HNRNPH1: variants seen among roughly 807,000 people sequenced by gnomAD.
HNRNPH1 encodes the protein heterogeneous nuclear ribonucleoprotein H.
Under a neutral mutation model 58.6 loss-of-function variants are expected in HNRNPH1, and 4 were observed. That is an observed-to-expected ratio of 0.07 (90% confidence interval 0.03 to 0.16). The LOEUF (loss-of-function observed/expected upper bound fraction) is 0.16, where lower values mean the gene tolerates loss of function less well. Among genes scored for constraint, HNRNPH1 ranks in the 10% least tolerant of loss-of-function variants. The pLI is 1.00. For missense variants in HNRNPH1, 271 were observed against 564.2 expected (o/e 0.48, Z 5.26); for synonymous variants, 192 against 189.2 (o/e 1.01, Z -0.12).
At chr5:179,626,890 C>T (rs1774450755), upstream of HNRNPH1, among the ~76,000 whole-genome samples, 1 of 151,414 alleles carries the variant, frequency 6.6e-6, no homozygotes, top group Admixed American at 6.6e-5. Context: ...ATTCTCCTGC[C>T]TCAGCCTCCC....
At chr5:179,632,344 G>A (rs866289354) in intron 2 of HNRNPH1, among the ~76,000 whole-genome samples, 23 of 152,206 alleles carry the variant, frequency 1.5e-4, no homozygotes, top group Middle Eastern at 6.8e-3. Flanking sequence ...GGGCGTCTCG[G>A]TTAGAGCCCG....
At chr5:179,618,255 A>G (rs1393793031) in exon 5 of HNRNPH1, 6 of 1,614,202 alleles carry the variant, frequency 3.7e-6, no homozygotes, top group African/African-American at 1.3e-5. Flanking sequence ...CTGCATGGCC[A>G]TAAGCTTTCG....
upstream of HNRNPH1, among the ~76,000 whole-genome samples, chr5:179,625,147 C>G (rs1774250604): frequency 3.3e-5 from 5 of 152,126 alleles, no homozygotes; most frequent in Admixed American, 3.3e-4. Flanking sequence ...ACAAACTGAA[C>G]TAGAAGCACA....
upstream of HNRNPH1, among the ~76,000 whole-genome samples, chr5:179,626,773 C>A: frequency 6.8e-6 from 1 of 146,276 alleles, no homozygotes; most frequent in Non-Finnish European, 1.5e-5. Flanking sequence ...TCTTGGTATA[C>A]TTCTTTTTTT....
chr5:179,623,659 C>G (rs530410026), exon 1 of HNRNPH1: 2 of 152,986 alleles, frequency 1.3e-5, no homozygotes, highest in Non-Finnish European at 2.9e-5. Flanking sequence ...TTCTGCGTGG[C>G]TAAGACGAAA....
intron 11 of HNRNPH1, 90 bp from the exon 13 acceptor site, chr5:179,615,685 G>A (rs952612502): frequency 6.0e-6 from 4 of 668,426 alleles, no homozygotes; most frequent in South Asian, 5.7e-5. Flanking sequence ...CCAATCCTAG[G>A]TTAACTGACT....
chr5:179,630,365 TAAAAG>T (rs755034190), intron 2 of HNRNPH1, among the ~76,000 whole-genome samples: 4 of 150,460 alleles, frequency 2.7e-5, no homozygotes, highest in Admixed American at 6.6e-5. Context: ...AATAAATAAA[TAAAAG>T]AAAAAGAAAA....
intron 3 of HNRNPH1, among the ~76,000 whole-genome samples, chr5:179,620,245 ATATCT>A (rs1306419596): frequency 2.6e-5 from 4 of 152,356 alleles, no homozygotes; most frequent in East Asian, 1.9e-4. Context: ...AAAATATACG[ATATCT>A]TATCTAACAT....
exon 1 of HNRNPH1, chr5:179,624,504 CG>C (rs961548046): frequency 1.1e-4 from 42 of 398,628 alleles, no homozygotes; most frequent in African/African-American, 8.0e-4. Flanking sequence ...TCCACGGGTG[CG>C]CGCCGGCCTC....
At chr5:179,621,715 CTG>C (rs1158083137) in intron 1 of HNRNPH1, 4 of 405,182 alleles carry the variant, frequency 9.9e-6, no homozygotes, top group Non-Finnish European at 1.4e-5. Context: ...CAAGCCTGGA[CTG>C]TGTGACTTTA....
intron 4 of HNRNPH1, 44 bp downstream of exon 5, chr5:179,619,225 T>C (rs1486189070): frequency 6.6e-7 from 1 of 1,508,334 alleles, no homozygotes; most frequent in Non-Finnish European, 9.1e-7. Flanking sequence ...TTTAATTGTT[T>C]ACCATAAGAA....
exon 1 of HNRNPH1, chr5:179,623,153 C>A: frequency 6.3e-7 from 1 of 1,575,934 alleles, no homozygotes; most frequent in Non-Finnish European, 8.7e-7. Flanking sequence ...CGCGGTCCGG[C>A]GTCGAAACAA....
chr5:179,617,949 G>T lies in HNRNPH1; in HGVS notation c.788-17C>A. The T allele has an allele frequency of 1.2e-6, 2 of 1,613,930 alleles. No homozygotes were observed. Among genetic ancestry groups the T allele is most frequent in the South Asian group, 2.2e-5 (2 of 91,080 alleles). ...AATTGAGGTCTAGATGGACAAGAGT[G>T]TAAGCATCCTTCAACTGAGAAATTC... On this transcript the variant is annotated splice_polypyrimidine_tract_variant and intron_variant, in intron 6 of 12. Coordinates refer to ENST00000356731, the Ensembl canonical transcript of HNRNPH1.
chr5:179,617,340 G>C, intron 8 of HNRNPH1, 174 bp downstream of exon 9: 1 of 784,502 alleles, frequency 1.3e-6, no homozygotes, highest in East Asian at 2.6e-5. Flanking sequence ...TCACAAATCC[G>C]TTATACTAAT....
intron 2 of HNRNPH1, among the ~76,000 whole-genome samples, chr5:179,629,762 C>A (rs536194511): frequency 3.9e-5 from 6 of 152,360 alleles, no homozygotes; most frequent in Admixed American, 1.3e-4. Context: ...GTGGCTTACG[C>A]CTGTAATCCC....
At chr5:179,620,850 C>T (rs372880757) in intron 3 of HNRNPH1, 42 bp downstream of exon 4, 1 of 1,596,470 alleles carries the variant, frequency 6.3e-7, no homozygotes. Flanking sequence ...TTGCCATAAG[C>T]TAGCCAAAAC....
chr5:179,617,778 G>T, intron 7 of HNRNPH1, 21 bp downstream of exon 8: 1 of 1,612,714 alleles, frequency 6.2e-7, no homozygotes, highest in Non-Finnish European at 8.5e-7. Flanking sequence ...ATATTGACTT[G>T]TGAGTTCATC....
chr5:179,630,382 G>GA (rs1774732696), intron 2 of HNRNPH1, among the ~76,000 whole-genome samples: 2 of 150,926 alleles, frequency 1.3e-5, no homozygotes, highest in South Asian at 4.2e-4. Flanking sequence ...AAAAGAAAAA[G>GA]AAAAGAAAAT....
exon 7 of HNRNPH1, chr5:179,617,845 T>A: frequency 6.2e-7 from 1 of 1,613,736 alleles, no homozygotes; most frequent in Non-Finnish European, 8.5e-7. Context: ...TCCCCGCATG[T>A]GTACACAGTG....
Sources: allele counts gnomAD v4.1 joint callset (sites outside exome capture counted in the v4.1 genomes callset), GRCh38; gene constraint gnomAD v4.1.1; transcripts MANE v1.5; gene names NCBI Gene and HGNC (gene_info 2026-07-23, HGNC 2026-07-21).